The following EPHA6 variants were observed in gnomAD, a reference collection of about 807,000 sequenced individuals.
The protein encoded by EPHA6 is ephrin type-A receptor 6.
A neutral mutation model predicts 112.0 loss-of-function variants in EPHA6; 50 were observed. The observed-to-expected ratio is 0.45, with a 90% CI of 0.36 to 0.56. The LOEUF is 0.56. EPHA6 is among the 20% of genes least tolerant of loss of function. EPHA6 has a pLI of 0.00. For synonymous variants in EPHA6, 529 were observed against 490.7 expected, an observed-to-expected ratio of 1.08 and a Z score of -1.03; for missense variants, 1,280 against 1,417.4, an observed-to-expected ratio of 0.90 and a Z score of 1.56.
chr3:96,932,934 A>G (rs1004416330), intron 2 of EPHA6, among the ~76,000 whole-genome samples: 1 of 152,140 alleles, frequency 6.6e-6, no homozygotes, highest in African/African-American at 2.4e-5. Context: ...TTTTTAATTT[A>G]CTATAGGATT....
chr3:97,189,827 A>G (rs185192877), intron 3 of EPHA6, among the ~76,000 whole-genome samples: 23 of 152,282 alleles, frequency 1.5e-4, no homozygotes, highest in Admixed American at 1.0e-3. Flanking sequence ...TTCTACTTGT[A>G]TAACAAAAAT....
chr3:97,565,376 T>C (rs2093249925), intron 11 of EPHA6, among the ~76,000 whole-genome samples: 1 of 152,224 alleles, frequency 6.6e-6, no homozygotes, highest in African/African-American at 2.4e-5. Flanking sequence ...AGAATAACTA[T>C]GTGTATGACA....
chr3:97,029,228 A>G (rs1251749458), intron 3 of EPHA6, among the ~76,000 whole-genome samples: 4 of 151,734 alleles, frequency 2.6e-5, no homozygotes, highest in Non-Finnish European at 4.4e-5. Flanking sequence ...GGTAAAAATT[A>G]TTTTCTAAAT....
chr3:96,994,947 A>G (rs2043366152), intron 3 of EPHA6, among the ~76,000 whole-genome samples: 1 of 151,956 alleles, frequency 6.6e-6, no homozygotes, highest in Non-Finnish European at 1.5e-5. Context: ...AACACTAGGC[A>G]TAATTAAAAA....
At chr3:96,932,156 T>A (rs928590606) in intron 2 of EPHA6, among the ~76,000 whole-genome samples, 1 of 152,150 alleles carries the variant, frequency 6.6e-6, no homozygotes, top group Non-Finnish European at 1.5e-5. Flanking sequence ...TACCCTGCTT[T>A]TCTTCATTCT....
At chr3:97,595,508 G>T (rs1456077760) in intron 12 of EPHA6, among the ~76,000 whole-genome samples, 1 of 152,090 alleles carries the variant, frequency 6.6e-6, no homozygotes, top group African/African-American at 2.4e-5. Flanking sequence ...AGCTGGGCAT[G>T]GTGGCGGGCA....
intron 1 of EPHA6, among the ~76,000 whole-genome samples, chr3:96,852,338 A>T (rs1256628794): frequency 6.6e-6 from 1 of 152,032 alleles, no homozygotes; most frequent in African/African-American, 2.4e-5. Flanking sequence ...CTGAGGCATG[A>T]GAATAACTTG....
At chr3:97,132,227 A>G (rs2075647524) in intron 3 of EPHA6, among the ~76,000 whole-genome samples, 1 of 152,154 alleles carries the variant, frequency 6.6e-6, no homozygotes, top group Admixed American at 6.5e-5. Flanking sequence ...TTCATAAAGC[A>G]GGTATTTAAT....
rs575407014 is a variant in EPHA6, at chr3:96,965,180, G to T, written c.451-22150G>T. Among the ~76,000 whole-genome samples, 39 of 152,206 alleles carry T rather than the reference G, an allele frequency of 2.6e-4. 1 individual carries two copies. Among genetic ancestry groups the T allele is most frequent in the Admixed American group, 1.3e-3 (20 of 15,262 alleles). On this transcript the variant is annotated intron_variant, in intron 2 of 17. Transcript: ENST00000389672. ...CCTAGACTCAGTTACTGTTACAGGA[G>T]CATATTCCTAAGTTAGTTTTCAATC...
chr3:97,449,955 T>C (rs1280175945), intron 7 of EPHA6, among the ~76,000 whole-genome samples: 1 of 152,134 alleles, frequency 6.6e-6, no homozygotes, highest in Non-Finnish European at 1.5e-5. Context: ...ACTTCTTTGT[T>C]ACAATTATAT....
chr3:97,610,288 C>T lies in EPHA6; in HGVS notation c.2513-505C>T, dbSNP rs537770199. Among the ~76,000 whole-genome samples the T allele has an allele frequency of 5.3e-5, 8 of 151,622 alleles. No individual in the cohort carries two copies. In the East Asian group the frequency reaches 7.7e-4, roughly 15 times the overall value. Reference sequence around the variant, plus strand: ...AAGGCCCTTAAAATCAGACTATGACCGATGGTTTATAATTTCTTTGAGAGA... The same window carrying T: ...AAGGCCCTTAAAATCAGACTATGACTGATGGTTTATAATTTCTTTGAGAGA... On this transcript the variant is annotated intron_variant, in intron 12 of 17. Transcript: ENST00000389672.
At chr3:96,859,004 C>T (rs62262942) in intron 1 of EPHA6, among the ~76,000 whole-genome samples, 4,723 of 152,114 alleles carry the variant, frequency 0.031, 104 homozygotes, top group Middle Eastern at 0.068. Context: ...GTACAGTAGC[C>T]GTTTAAATTT....
At chr3:96,980,478 G>A (rs1251022753) in intron 2 of EPHA6, among the ~76,000 whole-genome samples, 2 of 152,306 alleles carry the variant, frequency 1.3e-5, no homozygotes, top group South Asian at 2.1e-4. Flanking sequence ...TTTGAAGTCA[G>A]GTAGCATGAT....
chr3:97,568,013 G>A (rs1038030881), intron 11 of EPHA6, among the ~76,000 whole-genome samples: 4 of 152,142 alleles, frequency 2.6e-5, no homozygotes, highest in Non-Finnish European at 5.9e-5. Context: ...GAATGATTAA[G>A]AGGAGAAAAG....
Position 97,067,900 on chromosome 3 carries a change from TG to T in EPHA6, c.1114+79910del, listed in dbSNP as rs149420475. ...GCTCATTCCTGTAATCCCAACACTT[TG>T]GGAGGCTGAGGCAGGTGAGGATCTC... On this transcript the variant is annotated intron_variant, in intron 3 of 17. Coordinates refer to ENST00000389672, the MANE Select transcript of EPHA6 (RefSeq NM_001080448.3). Among the ~76,000 whole-genome samples, 180 of 152,036 alleles carry T rather than the reference TG, an allele frequency of 1.2e-3. 4 individuals are homozygous for T. In the East Asian group the frequency reaches 0.034, roughly 29 times the overall value.
intron 3 of EPHA6, among the ~76,000 whole-genome samples, chr3:97,015,178 A>G (rs907469795): frequency 2.0e-5 from 3 of 152,222 alleles, no homozygotes; most frequent in African/African-American, 7.2e-5. Flanking sequence ...TGAAAAAAGA[A>G]GTAACATTAT....
At chr3:97,610,997 C>T in intron 13 of EPHA6, 143 bp downstream of exon 13, 1 of 674,256 alleles carries the variant, frequency 1.5e-6, no homozygotes, top group South Asian at 1.9e-5. Flanking sequence ...GTGCATTTCC[C>T]TGATACTGTG....
In EPHA6 at chr3:97,760,954, T is replaced by C. The variant is rs1389272308; in HGVS notation, c.*12253T>C. On this transcript the variant is annotated 3_prime_UTR_variant, in exon 18 of 18. Transcript: ENST00000389672. ...ATTTATCTATGAGAATAGGGAAGTA[T>C]AGCACTGTTTTATGTTTTTCTCTTT... The C allele has an allele frequency of 1.0e-5, 2 of 200,808 alleles. No homozygotes were observed. The highest frequency in any genetic ancestry group is 6.0e-5 in the Admixed American group (1 of 16,644). The allele number at this position is 200,808 out of a possible 1,614,324, so 12.4% of individuals were successfully genotyped here.
intron 2 of EPHA6, among the ~76,000 whole-genome samples, chr3:96,982,740 G>A (rs919089592): frequency 1.3e-5 from 2 of 152,164 alleles, no homozygotes; most frequent in Admixed American, 6.5e-5. Context: ...GTGTGCTTCT[G>A]TATTGAATGC....
Sources: gnomAD v4.1 joint callset for allele counts (sites outside exome capture counted in the v4.1 genomes callset) on GRCh38, gnomAD v4.1.1 for gene constraint, MANE v1.5 for transcripts, NCBI Gene and HGNC (gene_info 2026-07-23, HGNC 2026-07-21) for gene names.